Variants in RAD54B observed in about 807,000 individuals in gnomAD.
The protein encoded by RAD54B is DNA repair and recombination protein RAD54B.
Under a neutral mutation model 95.8 loss-of-function variants are expected in RAD54B, and 78 were observed. The observed-to-expected ratio is 0.81, with a 90% CI of 0.68 to 0.98. The LOEUF is 0.98. Ranked by LOEUF, RAD54B falls within the 50% of genes least tolerant of loss-of-function variation. The probability of loss-of-function intolerance (pLI) is 0.00; values close to 1 mark genes in which losing one functional copy is unlikely to be tolerated. For missense variants in RAD54B, 957 were observed against 1,056.6 expected (o/e 0.91, Z 1.31); for synonymous variants, 328 against 354.9 (o/e 0.92, Z 0.85).
chr8:94,467,546 C>T lies in RAD54B; in HGVS notation c.-7G>A, dbSNP rs1813058707. ...GTGCTGCAGATCGTCTCATATTCAG[C>T]AGTCGTGACCTGAAAAATACCCAAA... On this transcript the variant is annotated 5_prime_UTR_variant, in exon 2 of 15. Coordinates refer to ENST00000336148, the MANE Select transcript of RAD54B (RefSeq NM_012415.3). 1 of 1,604,848 alleles carries T rather than the reference C, an allele frequency of 6.2e-7. No individual in the cohort carries two copies. Among genetic ancestry groups the T allele is most frequent in the Admixed American group, 1.7e-5 (1 of 57,588 alleles).
rs1812214819 is a variant in RAD54B, at chr8:94,434,915, TCACA to T, written c.304+23349_304+23352del. Among the ~76,000 whole-genome samples the T allele has an allele frequency of 3.3e-5, 5 of 151,616 alleles. 1 individual carries two copies. The South Asian group carries it at 1.0e-3, about 32-fold the overall frequency. ...TTTTGTGTGTGAATATTGTAAATAT[TCACA>T]CACACAAATAGTCAAAATGTAACCA... On this transcript the variant is annotated intron_variant, in intron 3 of 14. Coordinates refer to ENST00000336148, the MANE Select transcript of RAD54B (RefSeq NM_012415.3).
chr8:94,425,218 C>T (rs994739822), intron 3 of RAD54B, among the ~76,000 whole-genome samples: 2 of 148,770 alleles, frequency 1.3e-5, no homozygotes, highest in African/African-American at 5.0e-5. Context: ...TAAACCTAAG[C>T]CTTTAATATT....
chr8:94,422,407 C>T (rs183697238), intron 3 of RAD54B, among the ~76,000 whole-genome samples: 30 of 149,984 alleles, frequency 2.0e-4, no homozygotes, highest in Non-Finnish European at 3.1e-4. Context: ...GCCAACGTGG[C>T]GAAACTCCAT....
chr8:94,427,150 T>C (rs1811962204), intron 3 of RAD54B, among the ~76,000 whole-genome samples: 1 of 152,032 alleles, frequency 6.6e-6, no homozygotes, highest in Admixed American at 6.6e-5. Flanking sequence ...ACATAAATTT[T>C]AAAACAAAAA....
At chr8:94,394,630 A>G (rs1040749108) in intron 8 of RAD54B, among the ~76,000 whole-genome samples, 2 of 152,172 alleles carry the variant, frequency 1.3e-5, no homozygotes, top group Non-Finnish European at 2.9e-5. Flanking sequence ...TATACCTTCT[A>G]TATATTACAT....
At position 94,372,047 on chromosome 8, in the gene RAD54B, A is replaced by C; in HGVS notation, c.*123T>G. ...CCACTCAATTTTGACTATTGTATCA[A>C]AAGTGATATATTTTGCAACATATAC... On this transcript the variant is annotated 3_prime_UTR_variant, in exon 15 of 15. Coordinates refer to ENST00000336148, the MANE Select transcript of RAD54B (RefSeq NM_012415.3). 1 of 1,415,356 alleles carries C rather than the reference A, an allele frequency of 7.1e-7. No individual in the cohort carries two copies. Among genetic ancestry groups the C allele is most frequent in the Non-Finnish European group, 9.2e-7 (1 of 1,084,306 alleles). The allele number at this position is 1,415,356 out of a possible 1,614,324, so 87.7% of individuals were successfully genotyped here.
intron 3 of RAD54B, chr8:94,437,074 T>G: frequency 1.0e-6 from 1 of 985,668 alleles, no homozygotes; most frequent in Non-Finnish European, 1.4e-6. Flanking sequence ...CTGACCTACA[T>G]AAAGCTTCTC....
chr8:94,378,636 T>C lies in RAD54B; in HGVS notation c.2248-2A>G, dbSNP rs1810658754. On this transcript the variant is annotated splice_acceptor_variant, in intron 12 of 14. Transcript: ENST00000336148. LOFTEE classifies it high-confidence loss of function. ...ATCTCTCCATACTCTAGACATTGCCTATAGAAAATAAGTGAGAATTCTGAG... is the reference window on the plus strand; with the variant it reads ...ATCTCTCCATACTCTAGACATTGCCCATAGAAAATAAGTGAGAATTCTGAG... 9.4e-6 allele frequency: 15 copies of C among 1,597,710 alleles called. No homozygotes were observed. Among genetic ancestry groups the C allele is most frequent in the Non-Finnish European group, 1.1e-5 (13 of 1,169,746 alleles).
intron 3 of RAD54B, among the ~76,000 whole-genome samples, chr8:94,456,785 T>C (rs1282846924): frequency 6.6e-6 from 1 of 152,218 alleles, no homozygotes; most frequent in East Asian, 1.9e-4. Flanking sequence ...TGCTTTTCTA[T>C]ATGCTACATC....
At chr8:94,411,488 CAG>C (rs2130040218) in intron 3 of RAD54B, among the ~76,000 whole-genome samples, 173 bp from the exon 4 acceptor site, 1 of 152,130 alleles carries the variant, frequency 6.6e-6, no homozygotes, top group East Asian at 1.9e-4. Context: ...ATCCAAATAT[CAG>C]GTGTTAATAT....
intron 2 of RAD54B, among the ~76,000 whole-genome samples, chr8:94,459,638 T>C (rs1290552139): frequency 6.8e-6 from 1 of 147,494 alleles, no homozygotes; most frequent in Non-Finnish European, 1.5e-5. Context: ...GGCAGGTGGA[T>C]CACTTGAGGT....
At chr8:94,473,349 T>C (rs1173928888) in intron 1 of RAD54B, among the ~76,000 whole-genome samples, 1 of 152,130 alleles carries the variant, frequency 6.6e-6, no homozygotes, top group Non-Finnish European at 1.5e-5. Context: ...CTGTGGTAAA[T>C]AAGAACACAA....
intron 3 of RAD54B, among the ~76,000 whole-genome samples, chr8:94,456,846 T>C (rs1488110949): frequency 6.6e-6 from 1 of 152,232 alleles, no homozygotes; most frequent in African/African-American, 2.4e-5. Flanking sequence ...CAAAGCTTTT[T>C]TCCCCAATTT....
intron 3 of RAD54B, chr8:94,430,658 G>C (rs777821386): frequency 3.6e-5 from 26 of 713,368 alleles, no homozygotes; most frequent in Non-Finnish European, 4.5e-5. Context: ...CCACAAAGTG[G>C]AAGCCCAATG....
intron 5 of RAD54B, among the ~76,000 whole-genome samples, chr8:94,405,772 T>C (rs957667872): frequency 4.6e-5 from 7 of 152,006 alleles, no homozygotes; most frequent in Non-Finnish European, 8.8e-5. Context: ...GACTATAGGA[T>C]TATAAATCAC....
intron 1 of RAD54B, among the ~76,000 whole-genome samples, 194 bp from the exon 2 acceptor site, chr8:94,467,749 A>T (rs1160573995): frequency 2.6e-5 from 4 of 152,216 alleles, no homozygotes; most frequent in African/African-American, 9.6e-5. Context: ...GCTAGCCCTG[A>T]AAAGTACATG....
rs1355735980 is a variant in RAD54B, at chr8:94,378,552, A to C, written c.2314+16T>G. On this transcript the variant is annotated intron_variant, in intron 13 of 14. Transcript: ENST00000336148. ...TTCAAAGAGTATACATTTTTGTCACACTGAAGGGTTGTTACCTGTAGTTAG... is the reference window on the plus strand; with the variant it reads ...TTCAAAGAGTATACATTTTTGTCACCCTGAAGGGTTGTTACCTGTAGTTAG... 5.1e-6 allele frequency: 8 copies of C among 1,583,058 alleles called. No homozygotes were observed. The highest frequency in any genetic ancestry group is 6.9e-6 in the Non-Finnish European group (8 of 1,163,356).
intron 2 of RAD54B, among the ~76,000 whole-genome samples, chr8:94,458,810 T>G (rs1005497136): frequency 1.3e-5 from 2 of 151,956 alleles, no homozygotes; most frequent in Non-Finnish European, 2.9e-5. Context: ...GAGGTTGCAG[T>G]GAGCCAAGAT....
At chr8:94,441,099 A>G (rs1056122253) in intron 3 of RAD54B, among the ~76,000 whole-genome samples, 1 of 147,568 alleles carries the variant, frequency 6.8e-6, no homozygotes, top group Admixed American at 6.6e-5. Flanking sequence ...CCACCGGTGC[A>G]TGCAGCCCCT....
Sources: gnomAD v4.1 joint callset for allele counts (sites outside exome capture counted in the v4.1 genomes callset) on GRCh38, gnomAD v4.1.1 for gene constraint, MANE v1.5 for transcripts, NCBI Gene and HGNC (gene_info 2026-07-23, HGNC 2026-07-21) for gene names.